The following DIP2C variants were observed in gnomAD, a reference collection of about 807,000 sequenced individuals.
DIP2C encodes the protein DIP2 acetate--CoA ligase C (putative), also known as disco-interacting protein 2 homolog C.
A neutral mutation model predicts 192.4 loss-of-function variants in DIP2C; 33 were observed. The observed-to-expected ratio is 0.17, with a 90% CI of 0.13 to 0.23. The LOEUF is 0.23. DIP2C is among the 10% of genes least tolerant of loss of function. DIP2C has a pLI of 1.00. For synonymous variants in DIP2C, 979 were observed against 864.1 expected (o/e 1.13, Z -2.33); for missense variants, 1,537 against 2,110.1 (o/e 0.73, Z 5.32).
At chr10:571,311 A>G (rs1849782555) in intron 1 of DIP2C, among the ~76,000 whole-genome samples, 1 of 151,940 alleles carries the variant, frequency 6.6e-6, no homozygotes, top group Non-Finnish European at 1.5e-5. Flanking sequence ...AGGGCCAATC[A>G]GCTCCCCCCG....
intron 1 of DIP2C, among the ~76,000 whole-genome samples, chr10:551,841 G>A (rs551553615): frequency 5.3e-5 from 8 of 152,326 alleles, no homozygotes; most frequent in Non-Finnish European, 8.8e-5. Context: ...TTTGAAATGC[G>A]GCTGTGGACT....
intron 29 of DIP2C, among the ~76,000 whole-genome samples, chr10:329,859 C>T (rs780028045): frequency 1.1e-4 from 16 of 152,174 alleles, no homozygotes; most frequent in Admixed American, 3.9e-4. Context: ...GACTACTAAA[C>T]GCTGTGATGC....
intron 29 of DIP2C, among the ~76,000 whole-genome samples, chr10:337,318 C>CTGTGTGTGTGTGT (rs1957871038): frequency 9.3e-5 from 1 of 10,746 alleles, no homozygotes; most frequent in African/African-American, 4.0e-4. Context: ...TGTGTGTGCA[C>CTGTGTGTGTGTGT]GTGTGTTGTG....
At chr10:290,016 C>T (rs80081283) in intron 32 of DIP2C, among the ~76,000 whole-genome samples, 3,479 of 152,302 alleles carry the variant, frequency 0.023, 59 homozygotes, top group Non-Finnish European at 0.036. Context: ...CAGAAGCACC[C>T]GTGCCGGGGA....
At chr10:606,363 T>TTCTCATTGGTTGGGAGGGGA (rs1432645672) in intron 1 of DIP2C, among the ~76,000 whole-genome samples, 6 of 151,474 alleles carry the variant, frequency 4.0e-5, no homozygotes, top group African/African-American at 1.2e-4. Context: ...GTGATCTGAA[T>TTCTCATTGGTTGGGAGGGGA]TCTCATTGGT....
intron 1 of DIP2C, among the ~76,000 whole-genome samples, chr10:656,218 TATA>T (rs781164723): frequency 3.3e-5 from 5 of 151,668 alleles, no homozygotes; most frequent in Non-Finnish European, 7.4e-5. Flanking sequence ...CACTATACTA[TATA>T]ATGTTACACT....
At position 341,342 on chromosome 10, in the gene DIP2C, A is replaced by C; in HGVS notation, c.3454-13T>G. ...CTGCGTGAGACATCTGCAAAATACA[A>C]GGCTGTGTTAAACGCATCGGACCTG... On this transcript the variant is annotated splice_polypyrimidine_tract_variant and intron_variant, in intron 28 of 36. Coordinates refer to ENST00000280886, the MANE Select transcript of DIP2C (RefSeq NM_014974.3). The C allele has an allele frequency of 1.2e-6, 2 of 1,613,536 alleles. No individual in the cohort carries two copies. The highest frequency in any genetic ancestry group is 2.2e-5 in the South Asian group (2 of 91,040).
chr10:385,129 C>G (rs1349751626), intron 14 of DIP2C, among the ~76,000 whole-genome samples: 2 of 151,038 alleles, frequency 1.3e-5, no homozygotes, highest in Non-Finnish European at 2.9e-5. Flanking sequence ...TCATGGAGCA[C>G]CGTGGACGCC....
intron 1 of DIP2C, among the ~76,000 whole-genome samples, chr10:556,190 G>GCCCC (rs1848857121): frequency 1.1e-5 from 1 of 92,744 alleles, no homozygotes; most frequent in Non-Finnish European, 2.0e-5. Flanking sequence ...TCCCAGGACA[G>GCCCC]CACCCACCCA....
chr10:349,152 G>A (rs1958664859), intron 25 of DIP2C, among the ~76,000 whole-genome samples, 179 bp downstream of exon 25: 1 of 152,230 alleles, frequency 6.6e-6, no homozygotes, highest in African/African-American at 2.4e-5. Context: ...CATGCGGCTG[G>A]TGCCTGTGAG....
At chr10:602,076 G>A (rs999077038) in intron 1 of DIP2C, among the ~76,000 whole-genome samples, 3 of 151,666 alleles carry the variant, frequency 2.0e-5, no homozygotes, top group African/African-American at 7.3e-5. Context: ...CAGTAAATAA[G>A]GTCGGGGTGG....
intron 9 of DIP2C, among the ~76,000 whole-genome samples, chr10:400,017 C>T (rs985926659): frequency 6.6e-6 from 1 of 152,080 alleles, no homozygotes; most frequent in African/African-American, 2.4e-5. Flanking sequence ...TGTAAATTAC[C>T]AAGTAATATT....
In DIP2C at chr10:310,150, T is replaced by C. The variant is rs573499024; in HGVS notation, c.3925-58A>G. 8 of 1,447,404 alleles carry C rather than the reference T, an allele frequency of 5.5e-6. No individual in the cohort carries two copies. In the East Asian group the frequency reaches 9.1e-5, roughly 16 times the overall value. The allele number at this position is 1,447,404 out of a possible 1,614,324, so 89.7% of individuals were successfully genotyped here. A position where few individuals can be genotyped will look rare whatever the true frequency, so the allele number is the denominator to read the frequency against. Reference sequence around the variant, plus strand: ...TTACATGGAGGGAGATTGGGGTCTGTGCTTCTACTAGTTAGGAAACATTTC... The same window carrying C: ...TTACATGGAGGGAGATTGGGGTCTGCGCTTCTACTAGTTAGGAAACATTTC... On this transcript the variant is annotated intron_variant, in intron 31 of 36. Coordinates refer to ENST00000280886, the MANE Select transcript of DIP2C (RefSeq NM_014974.3).
chr10:478,838 G>T (rs1178342779), intron 2 of DIP2C, among the ~76,000 whole-genome samples: 8 of 152,272 alleles, frequency 5.3e-5, no homozygotes, highest in African/African-American at 1.7e-4. Flanking sequence ...GGCGTGCTGG[G>T]GGTGCAGATA....
chr10:386,988 G>A (rs904363098), intron 14 of DIP2C, among the ~76,000 whole-genome samples: 6 of 152,220 alleles, frequency 3.9e-5, no homozygotes, highest in South Asian at 2.1e-4. Context: ...TGAGACAGTC[G>A]TTTCCCTACA....
chr10:406,013 C>G (rs190732595), intron 9 of DIP2C, among the ~76,000 whole-genome samples: 139 of 152,326 alleles, frequency 9.1e-4, no homozygotes, highest in African/African-American at 3.1e-3. Context: ...CAAACCAATC[C>G]CTGCCCAAAA....
intron 1 of DIP2C, among the ~76,000 whole-genome samples, chr10:575,966 C>T (rs1320130287): frequency 5.9e-5 from 9 of 152,240 alleles, no homozygotes; most frequent in South Asian, 2.1e-4. Flanking sequence ...TCCCCCACCT[C>T]CTTGCAGATG....
intron 7 of DIP2C, among the ~76,000 whole-genome samples, chr10:414,648 C>G (rs1354359071): frequency 1.3e-5 from 2 of 149,488 alleles, no homozygotes; most frequent in Non-Finnish European, 3.0e-5. Flanking sequence ...CAGTCCTAGC[C>G]TGTAGCTAGG....
intron 1 of DIP2C, among the ~76,000 whole-genome samples, chr10:560,508 A>C (rs1215882912): frequency 6.6e-6 from 1 of 152,210 alleles, no homozygotes; most frequent in Non-Finnish European, 1.5e-5. Flanking sequence ...TGAACACGTG[A>C]ATCAGTTCTC....
Sources: allele counts gnomAD v4.1 joint callset (sites outside exome capture counted in the v4.1 genomes callset), GRCh38; gene constraint gnomAD v4.1.1; transcripts MANE v1.5; gene names NCBI Gene and HGNC (gene_info 2026-07-23, HGNC 2026-07-21).